RASL11B: variants seen among roughly 807,000 people sequenced by gnomAD.
The protein encoded by RASL11B is ras-like protein family member 11B.
In RASL11B, 14 loss-of-function variants were observed where a neutral mutation model predicts 22.9. The ratio of observed to expected loss-of-function variants is 0.61; its 90% CI spans 0.40 to 0.96. The LOEUF (loss-of-function observed/expected upper bound fraction) is 0.96, where lower values mean the gene tolerates loss of function less well. Ranked by LOEUF, RASL11B falls within the 40% of genes least tolerant of loss-of-function variation. The pLI is 0.00. For synonymous variants in RASL11B, 143 were observed against 130.2 expected (o/e 1.10, Z -0.67); for missense variants, 261 against 322.0 (o/e 0.81, Z 1.45).
In RASL11B at chr4:52,862,527, T is replaced by C; in HGVS notation, c.20T>C (p.Met7Thr). MRLIQN[M>T]CTIAEYPAPG... Reference sequence around the variant, plus strand: ...GAGGCGATGCGCCTCATTCAGAACATGTGCACCATCGCCGAGTACCCCGCG... The same window carrying C: ...GAGGCGATGCGCCTCATTCAGAACACGTGCACCATCGCCGAGTACCCCGCG... Residue 7 changes from methionine (M) to threonine (T), a missense_variant, in exon 1 of 4, where the codon ATG (methionine) becomes ACG (threonine). Transcript: ENST00000248706. 1 of 1,606,714 alleles carries C rather than the reference T, an allele frequency of 6.2e-7. No individual in the cohort carries two copies. Among genetic ancestry groups the C allele is most frequent in the Non-Finnish European group, 8.5e-7 (1 of 1,177,528 alleles).
At chr4:52,864,436 T>A in intron 2 of RASL11B, 42 bp from the exon 3 acceptor site, 1 of 1,261,262 alleles carries the variant, frequency 7.9e-7, no homozygotes. Context: ...TTAAAAGTTG[T>A]ACAAGAAGGA....
chr4:52,865,286 C>G, intron 3 of RASL11B, 49 bp from the exon 4 acceptor site: 1 of 1,495,644 alleles, frequency 6.7e-7, no homozygotes, highest in Non-Finnish European at 9.1e-7. Flanking sequence ...AGCCCAGGCT[C>G]TTTGTACAAC....
At chr4:52,864,652 T>C (rs894854459) in intron 3 of RASL11B, 98 bp downstream of exon 3, 2 of 834,468 alleles carry the variant, frequency 2.4e-6, no homozygotes, top group Admixed American at 1.8e-5. Context: ...ATCAGAGAAA[T>C]TTGGGGAGTC....
chr4:52,863,423 G>A (rs1280219057), intron 2 of RASL11B, 99 bp downstream of exon 2: 20 of 971,380 alleles, frequency 2.1e-5, no homozygotes, highest in South Asian at 5.5e-5. Flanking sequence ...GTGACAGTCC[G>A]AGCCTGAGGA....
chr4:52,862,686 A>T (rs1310684004), intron 1 of RASL11B, 37 bp downstream of exon 1: 4 of 1,500,604 alleles, frequency 2.7e-6, no homozygotes, highest in Non-Finnish European at 2.6e-6. Flanking sequence ...CTGGTCTTGG[A>T]CGACCCCTGA....
At position 52,866,051 on chromosome 4, in the gene RASL11B, T is replaced by C; in HGVS notation, c.*246T>C. ...AATATGTGAAATGTACTCTGTGTCT[T>C]TTCCTTTAGAGTGGGGAGGGGGCAT... On this transcript the variant is annotated 3_prime_UTR_variant, in exon 4 of 4. Coordinates refer to ENST00000248706, the MANE Select transcript of RASL11B (RefSeq NM_023940.3). 1 of 527,794 alleles carries C rather than the reference T, an allele frequency of 1.9e-6. No individual in the cohort carries two copies. Among genetic ancestry groups the C allele is most frequent in the South Asian group, 2.6e-5 (1 of 39,054 alleles). The allele number at this position is 527,794 out of a possible 1,614,324, so 32.7% of individuals were successfully genotyped here. A position where few individuals can be genotyped will look rare whatever the true frequency, so the allele number is the denominator to read the frequency against.
In RASL11B at chr4:52,864,512, T is replaced by A; in HGVS notation, c.234T>A (p.Gly78=). The A allele has an allele frequency of 6.2e-7, 1 of 1,611,174 alleles. No individual in the cohort carries two copies. Among genetic ancestry groups the A allele is most frequent in the Non-Finnish European group, 8.5e-7 (1 of 1,177,262 alleles). ...ATACTAGACAAGTTCAGATAGAAGG[T>A]GAAACCCTGGCTCTTCAGGTTCAAG... is the stretch of plus-strand genomic sequence containing the variant. ...NLYTRQVQIE[G]ETLALQVQDT... Residue 78 remains glycine (G), a synonymous_variant, in exon 3 of 4, where the codon GGT becomes GGA. Transcript: ENST00000248706.
chr4:52,863,648 A>G, intron 2 of RASL11B: 1 of 194,150 alleles, frequency 5.2e-6, no homozygotes, highest in Non-Finnish European at 1.0e-5. Context: ...AAAAGTCGTA[A>G]AAAAAAAAAA....
chr4:52,865,023 A>G lies in RASL11B; in HGVS notation c.277-312A>G, dbSNP rs1160673266. Reference sequence around the variant, plus strand: ...CCAGGTTTAAATGCTTCCAGCTCCTATCTTTACTTCCCCAGACTTACTGTC... The same window carrying G: ...CCAGGTTTAAATGCTTCCAGCTCCTGTCTTTACTTCCCCAGACTTACTGTC... On this transcript the variant is annotated intron_variant, in intron 3 of 3. Transcript: ENST00000248706. Among the ~76,000 whole-genome samples, 7 of 152,234 alleles carry G rather than the reference A, an allele frequency of 4.6e-5. No individual in the cohort carries two copies. In the East Asian group the frequency reaches 1.4e-3, roughly 29 times the overall value.
chr4:52,863,958 T>C (rs1718209873), intron 2 of RASL11B, among the ~76,000 whole-genome samples: 1 of 152,232 alleles, frequency 6.6e-6, no homozygotes, highest in Admixed American at 6.5e-5. Flanking sequence ...TAGGGGATTA[T>C]TTGAAATGAG....
intron 2 of RASL11B, 99 bp downstream of exon 2, chr4:52,863,423 G>C: frequency 2.1e-6 from 2 of 971,500 alleles, no homozygotes; most frequent in South Asian, 1.4e-5. Flanking sequence ...GTGACAGTCC[G>C]AGCCTGAGGA....
rs1423011500 is a variant in RASL11B, at chr4:52,865,377, T to G, written c.319T>G (p.Cys107Gly). ...GAGCTGCAGTGAACAGCTGAATAGG[T>G]GCATTCGCTGGGCAGATGCTGTGGT... ...SLSCSEQLNR[C>G]IRWADAVVIV... The change falls in exon 4 of 4, where the codon TGC becomes GGC. Residue 107 changes from cysteine to glycine, a missense_variant. Cys to Gly is a radical substitution (Grantham distance 159). Transcript: ENST00000248706. 6.2e-7 allele frequency: 1 copy of G among 1,614,032 alleles called. No homozygotes were observed. The highest frequency in any genetic ancestry group is 1.1e-5 in the South Asian group (1 of 91,068).
At chr4:52,864,636 T>G in intron 3 of RASL11B, 82 bp downstream of exon 3, 1 of 938,880 alleles carries the variant, frequency 1.1e-6, no homozygotes, top group Non-Finnish European at 1.8e-6. Context: ...TTCCTCATGC[T>G]GCAGGATCAG....
chr4:52,864,474 A>G lies in RASL11B; in HGVS notation c.200-4A>G, dbSNP rs768293856. 20 of 1,571,770 alleles carry G rather than the reference A, an allele frequency of 1.3e-5. No individual in the cohort carries two copies. The highest frequency in any genetic ancestry group is 1.5e-5 in the Non-Finnish European group (17 of 1,142,122). On this transcript the variant is annotated splice_polypyrimidine_tract_variant and splice_region_variant and intron_variant, in intron 2 of 3. Coordinates refer to ENST00000248706, the MANE Select transcript of RASL11B (RefSeq NM_023940.3). ...AACATAATCTCTTTTATTTGCCTTC[A>G]TAGGTAATCTCTATACTAGACAAGT...
At chr4:52,862,756 C>T in intron 1 of RASL11B, 107 bp downstream of exon 1, 2 of 1,301,674 alleles carry the variant, frequency 1.5e-6, no homozygotes, top group Non-Finnish European at 2.0e-6. Context: ...GACCGCTCTC[C>T]GTCCCCGCGC....
chr4:52,862,595 G>T lies in RASL11B; in HGVS notation c.88G>T (p.Gly30Cys). The change falls in exon 1 of 4, where the codon GGC (glycine) becomes TGC (cysteine). Residue 30 changes from glycine to cysteine, a missense_variant. Physicochemically the swap from Gly to Cys is radical, Grantham distance 159. Transcript: ENST00000248706. ...AASDCCVGAA[G>C]RRLVKIAVVG... is the part of the protein sequence containing the mutation. The stretch of plus-strand genomic sequence containing the variant: ...CTCCGACTGCTGTGTGGGCGCCGCC[G>T]GCCGCCGCCTGGTCAAGATCGCCGT... 1 of 1,599,568 alleles carries T rather than the reference G, an allele frequency of 6.3e-7. No individual in the cohort carries two copies. The highest frequency in any genetic ancestry group is 8.5e-7 in the Non-Finnish European group (1 of 1,176,366).
Position 52,862,357 on chromosome 4 carries a change from T to TCGGCCCC in RASL11B, c.-150_-144dup, listed in dbSNP as rs557336328. On this transcript the variant is annotated 5_prime_UTR_variant, in exon 1 of 4. Transcript: ENST00000248706. ...CCTGAGCCCTGCGGAACCTCGGCGC[T>TCGGCCCC]CGGCCCCACCCCGCCCGTACCTGCA... The TCGGCCCC allele has an allele frequency of 6.1e-4, 332 of 542,004 alleles. No individual in the cohort carries two copies. In the African/African-American group the frequency reaches 6.9e-3, roughly 11 times the overall value. 33.6% of individuals were successfully genotyped at this position (542,004 alleles called of 1,614,324 possible).
rs73814885 is a variant in RASL11B, at chr4:52,864,968, T to A, written c.277-367T>A. On this transcript the variant is annotated intron_variant, in intron 3 of 3. Coordinates refer to ENST00000248706, the MANE Select transcript of RASL11B (RefSeq NM_023940.3). ...AGACAAAAGCGCCATGCTAGGGTTT[T>A]TCCCCCCGCCTCCTGAACTGGGCAG... Among the ~76,000 whole-genome samples the A allele has an allele frequency of 5.1e-3, 784 of 152,310 alleles. 9 individuals are homozygous for A. Among genetic ancestry groups the A allele is most frequent in the African/African-American group, 0.018 (744 of 41,548 alleles).
chr4:52,862,814 C>G lies in RASL11B; in HGVS notation c.142+165C>G, dbSNP rs1577782339. Among the ~76,000 whole-genome samples the G allele has an allele frequency of 2.0e-5, 3 of 152,332 alleles. No individual in the cohort carries two copies. In the East Asian group the frequency reaches 5.8e-4, roughly 29 times the overall value. ...GTGGGCTTAGCCGTTGTCTACGCCA[C>G]CCGCCTGCTTCCACAGACGGGGGAA... On this transcript the variant is annotated intron_variant, in intron 1 of 3. Coordinates refer to ENST00000248706, the MANE Select transcript of RASL11B (RefSeq NM_023940.3).
Sources: allele counts gnomAD v4.1 joint callset (sites outside exome capture counted in the v4.1 genomes callset), GRCh38; gene constraint gnomAD v4.1.1; transcripts MANE v1.5; gene names NCBI Gene and HGNC (gene_info 2026-07-23, HGNC 2026-07-21).